The following MED15 variants were observed in gnomAD, a reference collection of about 807,000 sequenced individuals.
MED15 encodes mediator complex subunit 15, also known as mediator of RNA polymerase II transcription subunit 15.
A neutral mutation model predicts 118.7 loss-of-function variants in MED15; 41 were observed. The observed-to-expected ratio is 0.35, with a 90% CI of 0.27 to 0.45. The LOEUF (loss-of-function observed/expected upper bound fraction) is 0.45. Ranked by LOEUF, MED15 falls within the 20% of genes least tolerant of loss-of-function variation. The probability of loss-of-function intolerance (pLI) is 1.00; values close to 1 mark genes in which losing one functional copy is unlikely to be tolerated. For synonymous variants in MED15, 436 were observed against 413.9 expected, an observed-to-expected ratio of 1.05 and a Z score of -0.65; for missense variants, 740 against 1,025.5, an observed-to-expected ratio of 0.72 and a Z score of 3.80.
chr22:20,510,026 G>A (rs2054008362), intron 1 of MED15, among the ~76,000 whole-genome samples: 1 of 151,972 alleles, frequency 6.6e-6, no homozygotes, highest in Non-Finnish European at 1.5e-5. Flanking sequence ...TATTTTTTTC[G>A]ATATTGCTGT....
intron 2 of MED15, among the ~76,000 whole-genome samples, chr22:20,544,693 A>T (rs542445581): frequency 2.6e-5 from 4 of 151,802 alleles, no homozygotes; most frequent in Non-Finnish European, 5.9e-5. Context: ...AACAAATTTA[A>T]TCTCACAGTT....
chr22:20,563,269 G>A (rs1299916084), intron 5 of MED15, among the ~76,000 whole-genome samples: 1 of 152,156 alleles, frequency 6.6e-6, no homozygotes, highest in Non-Finnish European at 1.5e-5. Flanking sequence ...AGCTTTATTT[G>A]TGGTAGCCCA....
intron 1 of MED15, among the ~76,000 whole-genome samples, chr22:20,530,420 C>G (rs376933241): frequency 2.6e-5 from 4 of 152,302 alleles, no homozygotes; most frequent in East Asian, 1.9e-4. Context: ...ATCCTGCCCC[C>G]CTGAGGTCAG....
chr22:20,574,927 A>C, intron 8 of MED15, 186 bp from the exon 9 acceptor site: 1 of 736,798 alleles, frequency 1.4e-6, no homozygotes, highest in Non-Finnish European at 2.3e-6. Flanking sequence ...CAATGCCCAG[A>C]CAGACCTGGA....
intron 1 of MED15, among the ~76,000 whole-genome samples, chr22:20,530,333 G>A (rs561369811): frequency 1.3e-5 from 2 of 152,258 alleles, no homozygotes; most frequent in African/African-American, 2.4e-5. Context: ...TAGATGTTGT[G>A]TTTCTCAAAA....
At chr22:20,531,178 C>A (rs2054847858) in intron 1 of MED15, among the ~76,000 whole-genome samples, 1 of 106,098 alleles carries the variant, frequency 9.4e-6, no homozygotes, top group African/African-American at 3.2e-5. Flanking sequence ...GTGCTCCTTC[C>A]CTAGGAAGCT....
intron 5 of MED15, among the ~76,000 whole-genome samples, chr22:20,561,347 C>A (rs186209920): frequency 2.6e-5 from 4 of 151,988 alleles, no homozygotes; most frequent in Non-Finnish European, 5.9e-5. Flanking sequence ...GGTGAAACGC[C>A]GTCTCTCCTA....
rs1464443110 is a variant in MED15 at position 20,566,732 on chromosome 22, C to T, written c.956C>T (p.Pro319Leu). The T allele has an allele frequency of 6.2e-6, 10 of 1,614,190 alleles. No individual in the cohort carries two copies. The highest frequency in any genetic ancestry group is 1.7e-5 in the Admixed American group (1 of 60,020). ...GCTCAGAACCAACCATCACAACTCCCGCCACAGTCGCAGACCCAGCCTTTG... is the reference window on the plus strand; with the variant it reads ...GCTCAGAACCAACCATCACAACTCCTGCCACAGTCGCAGACCCAGCCTTTG... ...PVAQNQPSQL[P>L]PQSQTQPLVS... Residue 319 changes from proline (P) to leucine (L), a missense_variant, in exon 7 of 18, where the codon CCG becomes CTG. This residue lies in a region of MED15 where 384 missense variants were observed against 506.3 expected (regional missense o/e 0.76). Transcript: ENST00000263205.
intron 8 of MED15, 40 bp downstream of exon 8, chr22:20,568,671 G>A (rs747546301): frequency 2.5e-6 from 4 of 1,600,684 alleles, no homozygotes; most frequent in Non-Finnish European, 3.4e-6. Context: ...GTCATCAGCA[G>A]GTGCATGTTC....
At chr22:20,541,314 C>T (rs2055300369) in intron 2 of MED15, among the ~76,000 whole-genome samples, 1 of 152,070 alleles carries the variant, frequency 6.6e-6, no homozygotes, top group African/African-American at 2.4e-5. Flanking sequence ...ATAAACCTAT[C>T]TCCAAAGAAG....
At chr22:20,508,813 G>GC (rs879673684) in intron 1 of MED15, among the ~76,000 whole-genome samples, 18 of 152,268 alleles carry the variant, frequency 1.2e-4, no homozygotes, top group Admixed American at 3.3e-4. Context: ...CGATGGCCTG[G>GC]CCTGGGCTCA....
At chr22:20,581,673 T>C (rs1011256928) in intron 9 of MED15, among the ~76,000 whole-genome samples, 1 of 152,150 alleles carries the variant, frequency 6.6e-6, no homozygotes, top group East Asian at 1.9e-4. Flanking sequence ...GGCAGGCAGC[T>C]GTTCTCCCCA....
chr22:20,583,675 G>C, intron 13 of MED15: 2 of 452,204 alleles, frequency 4.4e-6, no homozygotes, highest in Non-Finnish European at 8.2e-6. Context: ...GGCCCAGCTT[G>C]CAGTGGCCTG....
intron 17 of MED15, 147 bp from the exon 18 acceptor site, chr22:20,586,421 C>T (rs909933872): frequency 1.8e-5 from 22 of 1,200,896 alleles, no homozygotes; most frequent in Non-Finnish European, 2.3e-5. Flanking sequence ...GGGAGGAGAG[C>T]CCAAAGGCCG....
intron 16 of MED15, 120 bp from the exon 17 acceptor site, chr22:20,585,608 G>A (rs1403946084): frequency 1.1e-6 from 1 of 928,132 alleles, no homozygotes; most frequent in Non-Finnish European, 1.7e-6. Context: ...ACCTCCTCCA[G>A]GCTTTGCCAC....
intron 5 of MED15, among the ~76,000 whole-genome samples, chr22:20,559,157 G>GA: frequency 6.6e-6 from 1 of 151,782 alleles, no homozygotes; most frequent in Non-Finnish European, 1.5e-5. Flanking sequence ...CACCATCTCT[G>GA]AAAAAATAGA....
At chr22:20,541,051 AC>A (rs1022852649) in intron 2 of MED15, among the ~76,000 whole-genome samples, 13 of 152,048 alleles carry the variant, frequency 8.5e-5, no homozygotes, top group Non-Finnish European at 1.8e-4. Context: ...ACATGGTGAA[AC>A]CCTGTCTCTA....
chr22:20,537,060 C>G lies in MED15; in HGVS notation c.69-57C>G, dbSNP rs931323747. 11 of 1,528,312 alleles carry G rather than the reference C, an allele frequency of 7.2e-6. No individual in the cohort carries two copies. The Admixed American group carries it at 1.9e-4, about 26-fold the overall frequency. The allele number at this position is 1,528,312 out of a possible 1,614,324, so 94.7% of individuals were successfully genotyped here. A position where few individuals can be genotyped will look rare whatever the true frequency, so the allele number is the denominator to read the frequency against. The stretch of plus-strand genomic sequence containing the variant: ...CTATGCAGGGCCTGTTGGCCAGGGC[C>G]CTGCAGCGGTGGAGTCACTGGTGTG... On this transcript the variant is annotated intron_variant, in intron 1 of 17. Transcript: ENST00000263205.
intron 17 of MED15, among the ~76,000 whole-genome samples, 171 bp from the exon 18 acceptor site, chr22:20,586,393 CACTG>C (rs2057135848): frequency 1.3e-5 from 2 of 152,236 alleles, no homozygotes; most frequent in African/African-American, 4.8e-5. Context: ...ATTTGGTTCT[CACTG>C]ACGATGAGGC....
Sources: allele counts gnomAD v4.1 joint callset (sites outside exome capture counted in the v4.1 genomes callset), GRCh38; gene constraint gnomAD v4.1.1; regional missense constraint gnomAD v4.1.1; transcripts MANE v1.5; gene names NCBI Gene and HGNC (gene_info 2026-07-23, HGNC 2026-07-21).